NEK10: variants seen among roughly 807,000 people sequenced by gnomAD.
NEK10 encodes the protein serine/threonine-protein kinase Nek10.
NEK10 carries 122 observed loss-of-function variants against 159.8 expected under a neutral mutation model. The ratio of observed to expected loss-of-function variants is 0.76; its 90% CI spans 0.66 to 0.89. NEK10 has a LOEUF of 0.89. NEK10 is among the 40% of genes least tolerant of loss of function. NEK10 has a pLI of 0.00. For synonymous variants in NEK10, 466 were observed against 457.1 expected, an observed-to-expected ratio of 1.02 and a Z score of -0.25; for missense variants, 1,342 against 1,323.1, an observed-to-expected ratio of 1.01 and a Z score of -0.22.
chr3:27,293,126 C>G (rs1475816143), intron 16 of NEK10, among the ~76,000 whole-genome samples: 1 of 152,098 alleles, frequency 6.6e-6, no homozygotes, highest in African/African-American at 2.4e-5. Context: ...CATCCAGCCT[C>G]CCCTTCAAAT....
At chr3:27,242,868 G>A (rs895390274) in intron 23 of NEK10, among the ~76,000 whole-genome samples, 10 of 152,138 alleles carry the variant, frequency 6.6e-5, no homozygotes, top group Non-Finnish European at 8.8e-5. Context: ...ACTGCCAAAT[G>A]TGAGGATCCT....
intron 25 of NEK10, among the ~76,000 whole-genome samples, chr3:27,198,331 C>CAAAAAA (rs59823084): frequency 2.0e-5 from 2 of 102,052 alleles, no homozygotes. Flanking sequence ...CAATCCTAAG[C>CAAAAAA]AAAAAAAAAA....
intron 26 of NEK10, among the ~76,000 whole-genome samples, chr3:27,178,081 A>T (rs1201054423): frequency 3.3e-5 from 5 of 152,314 alleles, no homozygotes; most frequent in South Asian, 2.1e-4. Flanking sequence ...ACACAATAAA[A>T]TTATCACTGA....
intron 1 of NEK10, chr3:27,363,658 G>C (rs974346398): frequency 1.3e-5 from 2 of 152,280 alleles, no homozygotes; most frequent in East Asian, 3.9e-4. Context: ...AGAATATAAA[G>C]TATTACATTG....
intron 23 of NEK10, among the ~76,000 whole-genome samples, chr3:27,230,979 T>C (rs1249171954): frequency 1.3e-5 from 2 of 151,836 alleles, no homozygotes; most frequent in Non-Finnish European, 2.9e-5. Context: ...AACAAAGAAA[T>C]GGTGGACTTA....
intron 13 of NEK10, among the ~76,000 whole-genome samples, chr3:27,298,249 T>TG (rs1228872734): frequency 6.6e-6 from 1 of 152,166 alleles, no homozygotes; most frequent in African/African-American, 2.4e-5. Flanking sequence ...GATTGAATTA[T>TG]GGGGGTGGGT....
rs1203824501 is a variant in NEK10 at position 27,280,095 on chromosome 3, GAAAAAAA to G, written c.2014+4500_2014+4506del. Reference sequence around the variant, plus strand: ...TCTAAATCTCAAACCCCCTAAAATGGAAAAAAAAAAAAAAAAAAAAAAAAGCTGGGAG... The same window carrying G: ...TCTAAATCTCAAACCCCCTAAAATGGAAAAAAAAAAAAAAAAAGCTGGGAG... On this transcript the variant is annotated intron_variant, in intron 22 of 35. Coordinates refer to ENST00000691995, the MANE Select transcript of NEK10 (RefSeq NM_001394966.1). Among the ~76,000 whole-genome samples the G allele has an allele frequency of 9.4e-3, 655 of 69,472 alleles. 5 individuals carry two copies. Among genetic ancestry groups the G allele is most frequent in the Non-Finnish European group, 0.012 (425 of 35,992 alleles). 45.6% of individuals were successfully genotyped at this position (69,472 alleles called of 152,430 possible).
At chr3:27,254,918 TACACAC>T (rs3035705) in intron 23 of NEK10, among the ~76,000 whole-genome samples, 46 of 141,886 alleles carry the variant, frequency 3.2e-4, no homozygotes, top group Admixed American at 7.8e-4. Context: ...CTCTTTCTCT[TACACAC>T]ACACACACAC....
chr3:27,227,294 C>T (rs1952737103), intron 23 of NEK10, among the ~76,000 whole-genome samples: 1 of 152,012 alleles, frequency 6.6e-6, no homozygotes, highest in Non-Finnish European at 1.5e-5. Flanking sequence ...GAAGCAGAGT[C>T]GCATGAGAAA....
intron 16 of NEK10, 32 bp downstream of exon 16, chr3:27,293,555 CT>C (rs2043150589): frequency 8.5e-7 from 1 of 1,171,970 alleles, no homozygotes; most frequent in African/African-American, 1.5e-5. Flanking sequence ...TCTCCTAAAC[CT>C]AATGATCACT....
chr3:27,312,431 C>G (rs2044772756), intron 7 of NEK10, among the ~76,000 whole-genome samples: 1 of 152,128 alleles, frequency 6.6e-6, no homozygotes, highest in Non-Finnish European at 1.5e-5. Context: ...TCAAAAGTCT[C>G]AAAATGACTC....
intron 25 of NEK10, chr3:27,194,806 TA>T (rs1456391673): frequency 6.6e-6 from 1 of 152,214 alleles, no homozygotes; most frequent in Non-Finnish European, 1.5e-5. Flanking sequence ...ATTTTATGCA[TA>T]AAAGGAAATG....
chr3:27,138,197 TC>T (rs2125559232), intron 31 of NEK10, among the ~76,000 whole-genome samples: 1 of 152,162 alleles, frequency 6.6e-6, no homozygotes, highest in East Asian at 1.9e-4. Flanking sequence ...TGCAGGTCGC[TC>T]CCCAGAGAAT....
intron 6 of NEK10, among the ~76,000 whole-genome samples, chr3:27,315,586 TTAAAA>T (rs1303346722): frequency 6.6e-6 from 1 of 152,192 alleles, no homozygotes; most frequent in Non-Finnish European, 1.5e-5. Context: ...CACATAAAAA[TTAAAA>T]TAACATTTAA....
chr3:27,236,468 A>G (rs1458281464), intron 23 of NEK10, among the ~76,000 whole-genome samples: 1 of 152,104 alleles, frequency 6.6e-6, no homozygotes, highest in Non-Finnish European at 1.5e-5. Flanking sequence ...ACCAAATATC[A>G]TATTATCGGG....
chr3:27,284,399 T>C (rs1365528354), intron 22 of NEK10, among the ~76,000 whole-genome samples: 1 of 151,856 alleles, frequency 6.6e-6, no homozygotes, highest in Non-Finnish European at 1.5e-5. Context: ...GAAAAAAAAA[T>C]TAATTAAAAT....
chr3:27,166,528 G>T (rs1344312240), intron 29 of NEK10, among the ~76,000 whole-genome samples: 1 of 152,184 alleles, frequency 6.6e-6, no homozygotes, highest in Non-Finnish European at 1.5e-5. Context: ...GATGGAGGGA[G>T]AAGAGCTATA....
chr3:27,250,228 C>G (rs1955510621), intron 23 of NEK10, among the ~76,000 whole-genome samples: 1 of 151,426 alleles, frequency 6.6e-6, no homozygotes, highest in Non-Finnish European at 1.5e-5. Context: ...TCTCTGTCAC[C>G]CAGGCTGGAG....
At chr3:27,189,254 G>C (rs115535961) in intron 26 of NEK10, among the ~76,000 whole-genome samples, 6 of 152,030 alleles carry the variant, frequency 3.9e-5, no homozygotes, top group African/African-American at 1.2e-4. Context: ...TAGTACTTAC[G>C]TTTACTAGGC....
Sources: gnomAD v4.1 joint callset for allele counts (sites outside exome capture counted in the v4.1 genomes callset) on GRCh38, gnomAD v4.1.1 for gene constraint, MANE v1.5 for transcripts, NCBI Gene and HGNC (gene_info 2026-07-23, HGNC 2026-07-21) for gene names.